DENND2B: variants seen among roughly 807,000 people sequenced by gnomAD.
DENND2B encodes DENN domain containing 2B, also known as DENN domain-containing protein 2B.
Under a neutral mutation model 116.0 loss-of-function variants are expected in DENND2B, and 32 were observed. The ratio of observed to expected loss-of-function variants is 0.28; its 90% CI spans 0.21 to 0.37. The LOEUF (loss-of-function observed/expected upper bound fraction) is 0.37, where lower values mean the gene tolerates loss of function less well. Among genes scored for constraint, DENND2B ranks in the 10% least tolerant of loss-of-function variants. The probability of loss-of-function intolerance (pLI) is 1.00; values close to 1 mark genes in which losing one functional copy is unlikely to be tolerated. For synonymous variants in DENND2B, 588 were observed against 583.9 expected (o/e 1.01, Z -0.10); for missense variants, 1,276 against 1,477.7 (o/e 0.86, Z 2.24).
chr11:8,908,177 T>G (rs1282673728), intron 1 of DENND2B, among the ~76,000 whole-genome samples: 1 of 152,194 alleles, frequency 6.6e-6, no homozygotes. Flanking sequence ...AAACCATAAC[T>G]ACACATAATT....
intron 1 of DENND2B, among the ~76,000 whole-genome samples, chr11:8,886,310 A>G (rs1466445339): frequency 6.6e-6 from 1 of 152,184 alleles, no homozygotes; most frequent in Non-Finnish European, 1.5e-5. Flanking sequence ...GTGAAGCACT[A>G]AAACATATCC....
At chr11:8,766,117 T>G (rs1339137181) in intron 1 of DENND2B, among the ~76,000 whole-genome samples, 1 of 152,002 alleles carries the variant, frequency 6.6e-6, no homozygotes, top group East Asian at 1.9e-4. Context: ...ACTGAAACAC[T>G]AAGGCCCATG....
chr11:8,784,832 C>T (rs1280299980), intron 1 of DENND2B, among the ~76,000 whole-genome samples: 11 of 134,012 alleles, frequency 8.2e-5, no homozygotes, highest in Non-Finnish European at 1.5e-4. Flanking sequence ...AGTAAGACTC[C>T]TTCTCAAAAA....
chr11:8,832,451 CAAAAAA>C (rs10715263), intron 4 of DENND2B: 2 of 100,662 alleles, frequency 2.0e-5, no homozygotes, highest in African/African-American at 3.7e-5. Context: ...ACTCTGTCTC[CAAAAAA>C]AAAAAAAAAA....
intron 3 of DENND2B, chr11:8,857,208 C>T (rs909911248): frequency 2.6e-5 from 4 of 152,098 alleles, no homozygotes; most frequent in Non-Finnish European, 5.9e-5. Flanking sequence ...CCTTCTTATC[C>T]CCAAACTCTA....
intron 3 of DENND2B, among the ~76,000 whole-genome samples, chr11:8,727,387 A>T (rs1315145554): frequency 1.3e-5 from 2 of 151,152 alleles, no homozygotes; most frequent in Non-Finnish European, 2.9e-5. Flanking sequence ...ACAACCGAAC[A>T]CTCTTTATAT....
intron 1 of DENND2B, among the ~76,000 whole-genome samples, chr11:8,757,860 T>C (rs535064002): frequency 3.9e-5 from 6 of 152,346 alleles, no homozygotes; most frequent in Admixed American, 3.9e-4. Context: ...TCTTCTAATT[T>C]AGTTCTCACC....
chr11:8,858,460 C>T lies in DENND2B; in HGVS notation c.-249-1024G>A, dbSNP rs377423733. Among the ~76,000 whole-genome samples the T allele has an allele frequency of 4.1e-4, 63 of 152,138 alleles. 1 individual carries two copies. In the Middle Eastern group the frequency reaches 0.02, roughly 49 times the overall value. The stretch of plus-strand genomic sequence containing the variant: ...CCCTGAGGTGGCACACTCGAGCCCA[C>T]ACTCAAATGAACTGGGTGACAAACC... On this transcript the variant is annotated intron_variant, in intron 2 of 6. Coordinates refer to the DENND2B transcript ENST00000524757.
At chr11:8,838,884 T>C (rs949203975) in intron 4 of DENND2B, among the ~76,000 whole-genome samples, 1 of 152,180 alleles carries the variant, frequency 6.6e-6, no homozygotes, top group African/African-American at 2.4e-5. Flanking sequence ...CAAAAGGATA[T>C]GGAGCTAAAA....
At chr11:8,800,366 A>G (rs910537669) in intron 1 of DENND2B, among the ~76,000 whole-genome samples, 3 of 152,214 alleles carry the variant, frequency 2.0e-5, no homozygotes, top group African/African-American at 7.2e-5. Context: ...ACTTACCTCC[A>G]CTAAGGAGTA....
chr11:8,906,945 C>G (rs991944482), intron 1 of DENND2B, among the ~76,000 whole-genome samples: 1 of 152,172 alleles, frequency 6.6e-6, no homozygotes, highest in Admixed American at 6.5e-5. Flanking sequence ...CTGTCTAACT[C>G]TGGCACAGTA....
chr11:8,796,698 T>C (rs2059842263), intron 1 of DENND2B, among the ~76,000 whole-genome samples: 1 of 151,870 alleles, frequency 6.6e-6, no homozygotes, highest in Non-Finnish European at 1.5e-5. Context: ...TTACAAACAC[T>C]AGTTTACTGA....
At chr11:8,841,266 TA>T (rs1566039893) in intron 3 of DENND2B, among the ~76,000 whole-genome samples, 1 of 152,186 alleles carries the variant, frequency 6.6e-6, no homozygotes, top group Non-Finnish European at 1.5e-5. Context: ...TTTTTGTTTT[TA>T]GTCCCTTTGC....
upstream of DENND2B, among the ~76,000 whole-genome samples, chr11:8,873,970 G>T (rs1314862087): frequency 6.6e-6 from 1 of 152,150 alleles, no homozygotes; most frequent in Non-Finnish European, 1.5e-5. Flanking sequence ...GCTGAAAATA[G>T]GAAGCGCTTG....
chr11:8,794,408 G>A (rs553428560), intron 1 of DENND2B, among the ~76,000 whole-genome samples: 19 of 152,308 alleles, frequency 1.2e-4, no homozygotes, highest in Admixed American at 4.6e-4. Context: ...CTTCCACCCC[G>A]GGGACAGCAC....
chr11:8,789,133 T>C (rs964159658), intron 1 of DENND2B, among the ~76,000 whole-genome samples: 1 of 152,120 alleles, frequency 6.6e-6, no homozygotes, highest in Non-Finnish European at 1.5e-5. Flanking sequence ...ATGGAGGAAA[T>C]GGTATGATGC....
Position 8,707,399 on chromosome 11 carries a change from C to T in DENND2B, c.2431-174G>A, listed in dbSNP as rs769602838. 3 of 837,180 alleles carry T rather than the reference C, an allele frequency of 3.6e-6. No individual in the cohort carries two copies. Among genetic ancestry groups the T allele is most frequent in the Non-Finnish European group, 5.4e-6 (3 of 559,292 alleles). The allele number at this position is 837,180 out of a possible 1,614,324, so 51.9% of individuals were successfully genotyped here. ...TACCCTTCCCGTTTTCCTTGGCACT[C>T]AGTGACTCCTCTGTTCCCTAACTGG... is the stretch of plus-strand genomic sequence containing the variant. On this transcript the variant is annotated intron_variant, in intron 12 of 19. Coordinates refer to ENST00000313726, the MANE Select transcript of DENND2B (RefSeq NM_213618.2). This position sits in a 1 kb window ranked among gnomAD's most constrained non-coding sequence, Gnocchi z 4.8.
At chr11:8,856,635 C>T (rs2063202570) in intron 3 of DENND2B, among the ~76,000 whole-genome samples, 1 of 152,154 alleles carries the variant, frequency 6.6e-6, no homozygotes, top group Non-Finnish European at 1.5e-5. Flanking sequence ...CCTGACTCCC[C>T]AACCACTATA....
chr11:8,715,732 C>A lies in DENND2B; in HGVS notation c.1716G>T (p.Arg572Ser), dbSNP rs758118837. 118 of 1,614,078 alleles carry A rather than the reference C, an allele frequency of 7.3e-5. No homozygotes were observed. The highest frequency in any genetic ancestry group is 9.7e-5 in the Non-Finnish European group (114 of 1,180,010). Reference protein sequence around the residue: ...KSHRLPRLPKRHSHDDMLLLA... With the variant: ...KSHRLPRLPKSHSHDDMLLLA... Reference sequence around the variant, plus strand: ...GCAGCAGCATGTCGTCATGGCTGTGCCTCTTGGGTAATCGTGGCAGCCGGT... The same window carrying A: ...GCAGCAGCATGTCGTCATGGCTGTGACTCTTGGGTAATCGTGGCAGCCGGT... The change falls in exon 6 of 20, where the codon AGG (arginine) becomes AGT (serine). Residue 572 changes from arginine to serine, a missense_variant. Arg to Ser is a moderately radical substitution (Grantham distance 110). This residue lies in a region of DENND2B where 856 missense variants were observed against 846.6 expected (regional missense o/e 1.01). Coordinates refer to ENST00000313726, the MANE Select transcript of DENND2B (RefSeq NM_213618.2).
Sources: gnomAD v4.1 joint callset for allele counts (sites outside exome capture counted in the v4.1 genomes callset) on GRCh38, gnomAD v4.1.1 for gene constraint, gnomAD v4.1.1 regional missense constraint, Gnocchi (gnomAD v3.1) non-coding constraint, MANE v1.5 for transcripts, NCBI Gene and HGNC (gene_info 2026-07-23, HGNC 2026-07-21) for gene names.